Variants in METTL15 observed in about 807,000 individuals in gnomAD.
METTL15 encodes the protein methyltransferase 15, mitochondrial 12S rRNA N4-cytidine.
In METTL15, 34 loss-of-function variants were observed where a neutral mutation model predicts 38.3. The ratio of observed to expected loss-of-function variants is 0.89; its 90% CI spans 0.68 to 1.18. The LOEUF is 1.18. Ranked by LOEUF, METTL15 falls within the 50% of genes most tolerant of loss-of-function variation. The pLI, the probability that METTL15 is intolerant of heterozygous loss-of-function variation, is 0.00. For synonymous variants in METTL15, 162 were observed against 170.9 expected (o/e 0.95, Z 0.41); for missense variants, 438 against 498.4 (o/e 0.88, Z 1.15).
At position 28,290,357 on chromosome 11, in the gene METTL15, C is replaced by A; in HGVS notation, c.559C>A (p.Arg187=). The A allele has an allele frequency of 6.2e-7, 1 of 1,613,060 alleles. No homozygotes were observed. Among genetic ancestry groups the A allele is most frequent in the South Asian group, 1.1e-5 (1 of 91,000 alleles). Residue 187 remains arginine (R), a synonymous_variant, in exon 5 of 7, where the codon CGG becomes AGG. Coordinates refer to ENST00000407364, the MANE Select transcript of METTL15 (RefSeq NM_001113528.2). ...TACTCCTGAAAGAGGTTTTTCCCTT[C>A]GGAAAGATGGCCCTTTGGACATGAG... ...LDTPERGFSL[R]KDGPLDMRMD...
At position 28,344,793 on chromosome 11, in the gene METTL15, A is replaced by G. The variant is rs12273427; in HGVS notation, c.*190-7297A>G. Among the ~76,000 whole-genome samples the G allele has an allele frequency of 7.1e-3, 1,087 of 152,360 alleles. 6 individuals are homozygous for G. Among genetic ancestry groups the G allele is most frequent in the African/African-American group, 0.025 (1,020 of 41,586 alleles). On this transcript the variant is annotated intron_variant and NMD_transcript_variant, in intron 3 of 7. Transcript: ENST00000532947. ...AGGATTTGAATAGATTGACTATTCT[A>G]GACTAGTGCTGTCTAATATAAATAT...
intron 3 of METTL15, among the ~76,000 whole-genome samples, chr11:28,165,452 C>G (rs981853924): frequency 6.6e-6 from 1 of 152,124 alleles, no homozygotes; most frequent in Non-Finnish European, 1.5e-5. Flanking sequence ...TTTCATGAAC[C>G]TGTTAGCCAT....
Position 28,190,085 on chromosome 11 carries a change from AGTT to A in METTL15, c.271-20973_271-20971del, listed in dbSNP as rs768829473. The stretch of plus-strand genomic sequence containing the variant: ...CTACTTTAATTTTTTCTTGATCAAT[AGTT>A]GTTCAAAAGTTGATTTAGTGCTGTT... On this transcript the variant is annotated intron_variant, in intron 3 of 6. Transcript: ENST00000407364. Among the ~76,000 whole-genome samples, 5 of 151,238 alleles carry A rather than the reference AGTT, an allele frequency of 3.3e-5. No homozygotes were observed. In the South Asian group the frequency reaches 6.2e-4, roughly 19 times the overall value.
At chr11:28,521,015 CTTT>C (rs759197367) in intron 6 of METTL15, among the ~76,000 whole-genome samples, 2 of 144,744 alleles carry the variant, frequency 1.4e-5, no homozygotes, top group Non-Finnish European at 3.0e-5. Flanking sequence ...TATCAAACTT[CTTT>C]TTTTTTTTTT....
At chr11:28,493,158 A>G (rs958403620) in intron 6 of METTL15, among the ~76,000 whole-genome samples, 1 of 152,108 alleles carries the variant, frequency 6.6e-6, no homozygotes, top group African/African-American at 2.4e-5. Context: ...GATCTGACAA[A>G]TCATGCCCAT....
intron 6 of METTL15, among the ~76,000 whole-genome samples, chr11:28,481,544 T>A (rs1008158841): frequency 6.6e-6 from 1 of 152,160 alleles, no homozygotes; most frequent in Non-Finnish European, 1.5e-5. Flanking sequence ...TTCAGCTGAC[T>A]TTTCCCCTCT....
At chr11:28,261,592 AG>A (rs1414259128) in intron 4 of METTL15, 1 of 152,204 alleles carries the variant, frequency 6.6e-6, no homozygotes, top group East Asian at 1.9e-4. Flanking sequence ...ATTTTTCTTT[AG>A]TGTCACTCTC....
chr11:28,340,362 A>G (rs1849939287), intron 3 of METTL15, among the ~76,000 whole-genome samples: 1 of 152,178 alleles, frequency 6.6e-6, no homozygotes, highest in Admixed American at 6.5e-5. Flanking sequence ...CTGTTCTAAA[A>G]GAAACTATCA....
chr11:28,253,029 G>A (rs1247124808), intron 4 of METTL15, among the ~76,000 whole-genome samples: 1 of 152,100 alleles, frequency 6.6e-6, no homozygotes, highest in Non-Finnish European at 1.5e-5. Flanking sequence ...AGTGCCTCCA[G>A]CCTTGGTCCT....
At chr11:28,208,953 G>T (rs958162664) in intron 3 of METTL15, among the ~76,000 whole-genome samples, 3 of 151,820 alleles carry the variant, frequency 2.0e-5, no homozygotes, top group Admixed American at 1.3e-4. Flanking sequence ...ACATATGATG[G>T]GTTTCCCTTC....
chr11:28,208,142 C>G (rs1005629868), intron 3 of METTL15, among the ~76,000 whole-genome samples: 1 of 151,928 alleles, frequency 6.6e-6, no homozygotes, highest in South Asian at 2.1e-4. Flanking sequence ...TATTTCTTGC[C>G]TTCTGCTAAC....
chr11:28,506,261 T>TATGAC (rs1219740388), intron 6 of METTL15, among the ~76,000 whole-genome samples: 2 of 152,212 alleles, frequency 1.3e-5, no homozygotes, highest in African/African-American at 4.8e-5. Flanking sequence ...CAGTCTTTAT[T>TATGAC]ATGACTTAGT....
chr11:28,197,066 GT>G (rs972227418), intron 3 of METTL15, among the ~76,000 whole-genome samples: 1 of 151,096 alleles, frequency 6.6e-6, no homozygotes, highest in Non-Finnish European at 1.5e-5. Context: ...CTGTTAAGCT[GT>G]TTTTTTTCAA....
intron 6 of METTL15, among the ~76,000 whole-genome samples, chr11:28,444,620 AT>A: frequency 6.6e-6 from 1 of 152,290 alleles, no homozygotes; most frequent in African/African-American, 2.4e-5. Flanking sequence ...ATCACTTACC[AT>A]TTTTGAGCCT....
rs1209522678 is a variant in METTL15 at position 28,113,325 on chromosome 11, T to A, written c.-10T>A. On this transcript the variant is annotated 5_prime_UTR_variant, in exon 3 of 7. Transcript: ENST00000407364. ...TTTAATTTTTTTTTCTAGATTTGTT[T>A]ACCTACAAAATGCTTCGGTATCCAT... is the stretch of plus-strand genomic sequence containing the variant. The A allele has an allele frequency of 4.6e-6, 7 of 1,532,230 alleles. No individual in the cohort carries two copies. The South Asian group carries it at 7.6e-5, about 17-fold the overall frequency. 94.9% of individuals were successfully genotyped at this position (1,532,230 alleles called of 1,614,324 possible). A position where few individuals can be genotyped will look rare whatever the true frequency, so the allele number is the denominator to read the frequency against.
intron 3 of METTL15, among the ~76,000 whole-genome samples, chr11:28,169,961 C>T (rs1376152930): frequency 6.6e-6 from 1 of 151,980 alleles, no homozygotes; most frequent in Non-Finnish European, 1.5e-5. Flanking sequence ...CTCTGATAAC[C>T]CTGGTTGAGT....
At position 28,161,474 on chromosome 11, in the gene METTL15, G is replaced by A. The variant is rs540276747; in HGVS notation, c.270+47870G>A. On this transcript the variant is annotated intron_variant, in intron 3 of 6. Coordinates refer to ENST00000407364, the MANE Select transcript of METTL15 (RefSeq NM_001113528.2). The stretch of plus-strand genomic sequence containing the variant: ...AATTTGAAAGAATTGATGTACAAAT[G>A]GACACTAGAATAAAAAGTGATGTTA... Among the ~76,000 whole-genome samples, 12 of 151,962 alleles carry A rather than the reference G, an allele frequency of 7.9e-5. 2 individuals carry two copies. The South Asian group carries it at 2.3e-3, about 29-fold the overall frequency.
chr11:28,227,038 C>A (rs1364672406), intron 4 of METTL15, among the ~76,000 whole-genome samples: 1 of 151,772 alleles, frequency 6.6e-6, no homozygotes, highest in African/African-American at 2.4e-5. Flanking sequence ...GTATTTTGCC[C>A]CATTTAATAT....
At chr11:28,273,976 G>A (rs1855746857) in intron 4 of METTL15, among the ~76,000 whole-genome samples, 1 of 151,996 alleles carries the variant, frequency 6.6e-6, no homozygotes, top group Non-Finnish European at 1.5e-5. Flanking sequence ...GCTAATGCCT[G>A]GTTGGGGAGA....
Sources: allele counts gnomAD v4.1 joint callset (sites outside exome capture counted in the v4.1 genomes callset), GRCh38; gene constraint gnomAD v4.1.1; transcripts MANE v1.5; gene names NCBI Gene and HGNC (gene_info 2026-07-23, HGNC 2026-07-21).